DUSP7: variants seen among roughly 807,000 people sequenced by gnomAD.
DUSP7 encodes the protein dual specificity phosphatase 7.
In DUSP7, 7 loss-of-function variants were observed where a neutral mutation model predicts 29.8. The ratio of observed to expected loss-of-function variants is 0.24; its 90% CI spans 0.13 to 0.44. DUSP7 has a LOEUF of 0.44. Among genes scored for constraint, DUSP7 ranks in the 20% least tolerant of loss-of-function variants. The pLI is 1.00. For missense variants in DUSP7, 400 were observed against 583.7 expected, an observed-to-expected ratio of 0.69 and a Z score of 3.24; for synonymous variants, 287 against 275.4, an observed-to-expected ratio of 1.04 and a Z score of -0.42.
rs1701901175 is a variant in DUSP7, at chr3:52,056,368, G to A, written c.-2C>T. The A allele has an allele frequency of 5.4e-6, 6 of 1,109,206 alleles. No individual in the cohort carries two copies. Among genetic ancestry groups the A allele is most frequent in the Admixed American group, 5.1e-5 (1 of 19,582 alleles). 68.7% of individuals were successfully genotyped at this position (1,109,206 alleles called of 1,614,324 possible). A position where few individuals can be genotyped will look rare whatever the true frequency, so the allele number is the denominator to read the frequency against. ...GGGGCCGCGGAGCTGGTTTTTCATG[G>A]GGAGCGCGGGCGGCCCGGGGCCGGG... On this transcript the variant is annotated 5_prime_UTR_variant, in exon 1 of 3. Coordinates refer to ENST00000495880, the MANE Select transcript of DUSP7 (RefSeq NM_001947.4). This position sits in a 1 kb window ranked among gnomAD's most constrained non-coding sequence, Gnocchi z 6.4.
At chr3:52,055,232 G>C (rs1701888671) in intron 1 of DUSP7, among the ~76,000 whole-genome samples, 1 of 141,798 alleles carries the variant, frequency 7.1e-6, no homozygotes, top group Non-Finnish European at 1.5e-5. Context: ...TCGCCCCCCG[G>C]TGCTACCTCT....
At chr3:52,055,371 A>C (rs183820709) in intron 1 of DUSP7, among the ~76,000 whole-genome samples, 7 of 152,156 alleles carry the variant, frequency 4.6e-5, no homozygotes, top group Admixed American at 2.0e-4. Flanking sequence ...CGGTGGAAGA[A>C]GCAATTCCCG....
At chr3:52,052,482 G>C (rs1701856975) in intron 2 of DUSP7, 1 of 152,338 alleles carries the variant, frequency 6.6e-6, no homozygotes. Flanking sequence ...GGAGCTGTGT[G>C]GTCAGACCTC....
At chr3:52,055,350 C>T (rs139046255) in intron 1 of DUSP7, among the ~76,000 whole-genome samples, 2,151 of 152,280 alleles carry the variant, frequency 0.014, 21 homozygotes, top group Non-Finnish European at 0.022. Flanking sequence ...CTCCTAGAGG[C>T]GGCAATTCTC....
In DUSP7 at chr3:52,051,182, T is replaced by C; in HGVS notation, c.953-60A>G. On this transcript the variant is annotated intron_variant, in intron 2 of 2. Coordinates refer to ENST00000495880, the MANE Select transcript of DUSP7 (RefSeq NM_001947.4). This position sits in a 1 kb window ranked among gnomAD's most constrained non-coding sequence, Gnocchi z 4.8. ...CCTTCAAGGAGCCTTCCCACATGGG[T>C]GGGCAGGTGGGGCTGGGGCACAGAG... 2.0e-6 allele frequency: 3 copies of C among 1,535,580 alleles called. No homozygotes were observed. Among genetic ancestry groups the C allele is most frequent in the Non-Finnish European group, 2.6e-6 (3 of 1,140,774 alleles).
rs1231659855 is a variant in DUSP7, at chr3:52,056,033, G to A, written c.334C>T (p.Arg112Cys). The A allele has an allele frequency of 1.3e-6, 2 of 1,596,340 alleles. No homozygotes were observed. The highest frequency in any genetic ancestry group is 2.3e-5 in the East Asian group (1 of 43,872). ...TCGGCGTGGTTGGGGATGATGGAGC[G>A]GATGGGCAGGTTGCCCTTGCGCAGG... is the stretch of plus-strand genomic sequence containing the variant. ...RRLRKGNLPI[R>C]SIIPNHADKE... Residue 112 changes from arginine (R) to cysteine (C), a missense_variant, in exon 1 of 3, where the codon CGC becomes TGC. Physicochemically the swap from Arg to Cys is radical, Grantham distance 180 (BLOSUM62 -3). Around this residue, in one of 4 missense-constraint regions of DUSP7, gnomAD observed 223 missense variants for 360.9 expected, o/e 0.62. Transcript: ENST00000495880. The surrounding 1 kb of genome is among the most constrained non-coding windows in gnomAD (Gnocchi z 6.4).
chr3:52,054,427 G>A lies in DUSP7; in HGVS notation c.518-53C>T. 3 of 1,462,412 alleles carry A rather than the reference G, an allele frequency of 2.1e-6. No homozygotes were observed. Among genetic ancestry groups the A allele is most frequent in the Non-Finnish European group, 2.8e-6 (3 of 1,088,924 alleles). 90.6% of individuals were successfully genotyped at this position (1,462,412 alleles called of 1,614,324 possible). ...GTGAGAGGCTGGTGAGAGCCCAGAT[G>A]GGCTGCACAAGACCAGAGATGGCCA... is the stretch of plus-strand genomic sequence containing the variant. On this transcript the variant is annotated intron_variant, in intron 1 of 2. Coordinates refer to ENST00000495880, the MANE Select transcript of DUSP7 (RefSeq NM_001947.4). This position sits in a 1 kb window ranked among gnomAD's most constrained non-coding sequence, Gnocchi z 4.1.
rs943529059 is a variant in DUSP7, at chr3:52,050,902, G to A, written c.1173C>T (p.Cys391=). The change falls in exon 3 of 3, where the codon TGC becomes TGT. Residue 391 remains cysteine, a synonymous_variant. Coordinates refer to ENST00000495880, the MANE Select transcript of DUSP7 (RefSeq NM_001947.4). This position sits in a 1 kb window ranked among gnomAD's most constrained non-coding sequence, Gnocchi z 5.0. ...FERTLGLSSP[C]DNHASSEQLY... ...GCTGCTCACTCGACGCGTGGTTGTC[G>A]CACGGGCTGCTTAGCCCCAGCGTCC... 17 of 1,614,154 alleles carry A rather than the reference G, an allele frequency of 1.1e-5. No individual in the cohort carries two copies. The highest frequency in any genetic ancestry group is 2.7e-5 in the African/African-American group (2 of 74,950).
At position 52,054,470 on chromosome 3, in the gene DUSP7, C is replaced by T; in HGVS notation, c.518-96G>A. The T allele has an allele frequency of 1.0e-6, 1 of 996,094 alleles. No individual in the cohort carries two copies. 61.7% of individuals were successfully genotyped at this position (996,094 alleles called of 1,614,324 possible). A position where few individuals can be genotyped will look rare whatever the true frequency, so the allele number is the denominator to read the frequency against. ...GATGGCCAGGACTCTGCACGCCAAA[C>T]ACCACAGCACCCACGGTCAGCATGG... On this transcript the variant is annotated intron_variant, in intron 1 of 2. Transcript: ENST00000495880. This position sits in a 1 kb window ranked among gnomAD's most constrained non-coding sequence, Gnocchi z 4.1.
At position 52,051,239 on chromosome 3, in the gene DUSP7, C is replaced by T. The variant is rs1701843503; in HGVS notation, c.953-117G>A. On this transcript the variant is annotated intron_variant, in intron 2 of 2. Transcript: ENST00000495880. This position sits in a 1 kb window ranked among gnomAD's most constrained non-coding sequence, Gnocchi z 4.8. ...ATGGTGGCTGGCTGGTCTTGCCCGA[C>T]CCCTGAGGGACCTGGCCAAGCCCAG... The T allele has an allele frequency of 8.2e-7, 1 of 1,226,792 alleles. No individual in the cohort carries two copies. The highest frequency in any genetic ancestry group is 2.5e-5 in the East Asian group (1 of 40,262). 76.0% of individuals were successfully genotyped at this position (1,226,792 alleles called of 1,614,324 possible). A position where few individuals can be genotyped will look rare whatever the true frequency, so the allele number is the denominator to read the frequency against.
chr3:52,052,965 C>CCTA (rs1396291554), intron 2 of DUSP7: 1 of 154,214 alleles, frequency 6.5e-6, no homozygotes, highest in African/African-American at 2.4e-5. Flanking sequence ...CAGCCAGGCA[C>CCTA]CTACTTTTGG....
chr3:52,051,662 A>T lies in DUSP7; in HGVS notation c.953-540T>A, dbSNP rs1701848858. On this transcript the variant is annotated intron_variant, in intron 2 of 2. Coordinates refer to ENST00000495880, the MANE Select transcript of DUSP7 (RefSeq NM_001947.4). The surrounding 1 kb of genome is among the most constrained non-coding windows in gnomAD (Gnocchi z 4.8). ...CGCTGCTGCCAGGCCATGACCTGGG[A>T]CTGGGGGCTGGGCTGGTTCTCTTGG... The T allele has an allele frequency of 6.5e-6, 1 of 153,362 alleles. No individual in the cohort carries two copies. The highest frequency in any genetic ancestry group is 1.5e-5 in the Non-Finnish European group (1 of 68,822). The allele number at this position is 153,362 out of a possible 1,614,324, so 9.5% of individuals were successfully genotyped here. A position where few individuals can be genotyped will look rare whatever the true frequency, so the allele number is the denominator to read the frequency against.
Position 52,051,085 on chromosome 3 carries a change from G to A in DUSP7, c.990C>T (p.His330=), listed in dbSNP as rs1386416627. ...CTGAGCGGCTGATGCCTGCCAGGCA[G>A]TGCACCAGGACACCACACTTCTTGG... The part of the protein sequence containing the change: ...ARSKKCGVLV[H]CLAGISRSVT... Residue 330 remains histidine, a synonymous_variant, in exon 3 of 3, where the codon CAC becomes CAT. Coordinates refer to ENST00000495880, the MANE Select transcript of DUSP7 (RefSeq NM_001947.4). The surrounding 1 kb of genome is among the most constrained non-coding windows in gnomAD (Gnocchi z 4.8). The A allele has an allele frequency of 1.2e-6, 2 of 1,613,206 alleles. No homozygotes were observed. The highest frequency in any genetic ancestry group is 1.7e-6 in the Non-Finnish European group (2 of 1,179,876).
At position 52,049,151 on chromosome 3, in the gene DUSP7, C is replaced by T. The variant is rs1031103702; in HGVS notation, c.*1664G>A. On this transcript the variant is annotated 3_prime_UTR_variant, in exon 3 of 3. Coordinates refer to ENST00000495880, the MANE Select transcript of DUSP7 (RefSeq NM_001947.4). ...AAAGAGAGAAAAAGAGAACCATGTA[C>T]AGCATGGAAGCTTGTTGTCAATTTC... 6.6e-6 allele frequency: 1 copy of T among 152,218 alleles called. No individual in the cohort carries two copies. Among genetic ancestry groups the T allele is most frequent in the Admixed American group, 6.5e-5 (1 of 15,284 alleles). The allele number at this position is 152,218 out of a possible 1,614,324, so 9.4% of individuals were successfully genotyped here.
Position 52,055,871 on chromosome 3 carries a change from A to T in DUSP7, c.496T>A (p.Cys166Ser). Residue 166 changes from cysteine (C) to serine (S), a missense_variant, in exon 1 of 3, where the codon TGC becomes AGC. By Grantham distance (112) the Cys-to-Ser change is moderately radical. Around this residue, in one of 4 missense-constraint regions of DUSP7, gnomAD observed 223 missense variants for 360.9 expected, o/e 0.62. Coordinates refer to ENST00000495880, the MANE Select transcript of DUSP7 (RefSeq NM_001947.4). Reference sequence around the variant, plus strand: ...TCACCTTGGAGGTAGTAGGCCTGGCAGCCGTCGTCGCGCAGCTTCTGTAGG... The same window carrying T: ...TCACCTTGGAGGTAGTAGGCCTGGCTGCCGTCGTCGCGCAGCTTCTGTAGG... Reference protein sequence around the residue: ...LLLQKLRDDGCQAYYLQGGFN... With the variant: ...LLLQKLRDDGSQAYYLQGGFN... The T allele has an allele frequency of 6.4e-7, 1 of 1,572,880 alleles. No individual in the cohort carries two copies. The highest frequency in any genetic ancestry group is 8.6e-7 in the Non-Finnish European group (1 of 1,160,408).
chr3:52,050,754 C>T lies in DUSP7; in HGVS notation c.*61G>A. ...CCAGAGGTGGCGGGCTTGGGCTCTC[C>T]CACCTAGCCCTGTGGAGAGCCGAGC... On this transcript the variant is annotated 3_prime_UTR_variant, in exon 3 of 3. Transcript: ENST00000495880. The surrounding 1 kb of genome is among the most constrained non-coding windows in gnomAD (Gnocchi z 5.0). 2 of 1,529,952 alleles carry T rather than the reference C, an allele frequency of 1.3e-6. No individual in the cohort carries two copies. Among genetic ancestry groups the T allele is most frequent in the Non-Finnish European group, 8.8e-7 (1 of 1,134,956 alleles). The allele number at this position is 1,529,952 out of a possible 1,614,324, so 94.8% of individuals were successfully genotyped here. A position where few individuals can be genotyped will look rare whatever the true frequency, so the allele number is the denominator to read the frequency against.
In DUSP7 at chr3:52,055,842, G is replaced by A. The variant is rs1388104535; in HGVS notation, c.517+8C>T. The A allele has an allele frequency of 2.0e-6, 3 of 1,536,012 alleles. No homozygotes were observed. The highest frequency in any genetic ancestry group is 2.4e-5 in the South Asian group (2 of 82,364). Reference sequence around the variant, plus strand: ...CGATCCCGTAAGGCGTCTCGGTGCCGCCCTCACCTTGGAGGTAGTAGGCCT... The same window carrying A: ...CGATCCCGTAAGGCGTCTCGGTGCCACCCTCACCTTGGAGGTAGTAGGCCT... On this transcript the variant is annotated splice_region_variant and intron_variant, in intron 1 of 2. Coordinates refer to ENST00000495880, the MANE Select transcript of DUSP7 (RefSeq NM_001947.4).
At chr3:52,052,512 G>A (rs1701857264) in intron 2 of DUSP7, 1 of 152,364 alleles carries the variant, frequency 6.6e-6, no homozygotes, top group African/African-American at 2.4e-5. Flanking sequence ...GGTGGGAAAA[G>A]GGGGTGCTGG....
rs1392990895 is a variant in DUSP7, at chr3:52,056,254, C to CCGGACCCCGACCCCGCACCGGGCT, written c.89_112dup (p.Glu30_Ser37dup). 15 of 1,364,950 alleles carry CCGGACCCCGACCCCGCACCGGGCT rather than the reference C, an allele frequency of 1.1e-5. No individual in the cohort carries two copies. The East Asian group carries it at 4.3e-4, about 39-fold the overall frequency. The allele number at this position is 1,364,950 out of a possible 1,614,324, so 84.6% of individuals were successfully genotyped here. A position where few individuals can be genotyped will look rare whatever the true frequency, so the allele number is the denominator to read the frequency against. On this transcript the variant is annotated inframe_insertion, in exon 1 of 3. Coordinates refer to ENST00000495880, the MANE Select transcript of DUSP7 (RefSeq NM_001947.4). This position sits in a 1 kb window ranked among gnomAD's most constrained non-coding sequence, Gnocchi z 6.4. Reference sequence around the variant, plus strand: ...CGCCGCGCCCGCCCCGGTGCCTGCGCCGGACCCCGACCCCGCACCGGGCTC... The same window carrying CCGGACCCCGACCCCGCACCGGGCT: ...CGCCGCGCCCGCCCCGGTGCCTGCGCCGGACCCCGACCCCGCACCGGGCTCGGACCCCGACCCCGCACCGGGCTC...
Sources: allele counts gnomAD v4.1 joint callset (sites outside exome capture counted in the v4.1 genomes callset), GRCh38; gene constraint gnomAD v4.1.1; regional missense constraint gnomAD v4.1.1; non-coding constraint Gnocchi (gnomAD v3.1); transcripts MANE v1.5; gene names NCBI Gene and HGNC (gene_info 2026-07-23, HGNC 2026-07-21).